TPD52: variants seen among roughly 807,000 people sequenced by gnomAD.
TPD52 encodes tumor protein D52, also known as prostate and colon associated protein.
TPD52 carries 17 observed loss-of-function variants against 31.3 expected under a neutral mutation model. That is an observed-to-expected ratio of 0.54 (90% confidence interval 0.37 to 0.82). The LOEUF (loss-of-function observed/expected upper bound fraction) is 0.82, where lower values mean the gene tolerates loss of function less well. Ranked by LOEUF, TPD52 falls within the 40% of genes least tolerant of loss-of-function variation. The pLI is 0.00. For synonymous variants in TPD52, 83 were observed against 89.6 expected (o/e 0.93, Z 0.42); for missense variants, 212 against 240.1 (o/e 0.88, Z 0.77).
At chr8:80,085,308 C>T (rs572356299) in intron 1 of TPD52, among the ~76,000 whole-genome samples, 48 of 152,234 alleles carry the variant, frequency 3.2e-4, no homozygotes, top group East Asian at 2.1e-3. Flanking sequence ...TCATTGCAAA[C>T]GGAAATGGTA....
At chr8:80,086,323 T>C (rs1421755788) in intron 1 of TPD52, among the ~76,000 whole-genome samples, 1 of 151,586 alleles carries the variant, frequency 6.6e-6, no homozygotes, top group African/African-American at 2.4e-5. Context: ...TTCACCATAT[T>C]GGCTAGGATG....
intron 1 of TPD52, among the ~76,000 whole-genome samples, chr8:80,125,369 G>A (rs771165523): frequency 2.0e-5 from 3 of 152,096 alleles, no homozygotes; most frequent in Non-Finnish European, 2.9e-5. Context: ...AGGGAGCTAC[G>A]ATCCTGCCAC....
intron 2 of TPD52, 127 bp downstream of exon 2, chr8:80,064,351 A>T: frequency 1.3e-6 from 1 of 762,294 alleles, no homozygotes; most frequent in Non-Finnish European, 2.2e-6. Context: ...GACCTGCTGG[A>T]GAAGTAAACA....
intron 1 of TPD52, among the ~76,000 whole-genome samples, chr8:80,096,092 T>C (rs1314109905): frequency 1.3e-5 from 2 of 152,070 alleles, no homozygotes; most frequent in African/African-American, 4.8e-5. Context: ...CCCGTCTCTA[T>C]GAAAAATACA....
chr8:80,114,171 G>A (rs1807700238), intron 1 of TPD52, among the ~76,000 whole-genome samples: 1 of 152,138 alleles, frequency 6.6e-6, no homozygotes, highest in Non-Finnish European at 1.5e-5. Context: ...CCCAGGAAGT[G>A]GAGACTGCAG....
chr8:80,122,054 T>G (rs1186883206), intron 1 of TPD52, among the ~76,000 whole-genome samples: 2 of 152,064 alleles, frequency 1.3e-5, no homozygotes, highest in African/African-American at 2.4e-5. Context: ...AATGATGTTT[T>G]ATCATTATTG....
At chr8:80,117,161 GA>G (rs1807922154) in intron 1 of TPD52, among the ~76,000 whole-genome samples, 1 of 152,020 alleles carries the variant, frequency 6.6e-6, no homozygotes, top group African/African-American at 2.4e-5. Context: ...ACTTAGGCAA[GA>G]AAAAGGACTA....
At chr8:80,066,820 G>A (rs1813205584) in intron 1 of TPD52, 1 of 152,176 alleles carries the variant, frequency 6.6e-6, no homozygotes, top group Admixed American at 6.5e-5. Context: ...AAAGTTGTAT[G>A]AGATTGAAAC....
At chr8:80,074,075 T>C (rs75592696) in intron 1 of TPD52, among the ~76,000 whole-genome samples, 19,083 of 152,258 alleles carry the variant, frequency 0.13, 1,506 homozygotes, top group South Asian at 0.28. Context: ...AAAGAATCTG[T>C]TAACATATAT....
chr8:80,058,559 AG>A (rs1202874973), intron 2 of TPD52, among the ~76,000 whole-genome samples: 3 of 152,202 alleles, frequency 2.0e-5, no homozygotes, highest in African/African-American at 7.2e-5. Flanking sequence ...GGACTTTGGG[AG>A]GCCAAGGCAG....
At chr8:80,045,389 G>C (rs1810742649) in intron 5 of TPD52, among the ~76,000 whole-genome samples, 1 of 152,196 alleles carries the variant, frequency 6.6e-6, no homozygotes, top group African/African-American at 2.4e-5. Flanking sequence ...GTGGATCAGT[G>C]GAGCACCACC....
At chr8:80,059,957 T>G (rs890615331) in intron 2 of TPD52, among the ~76,000 whole-genome samples, 1 of 151,888 alleles carries the variant, frequency 6.6e-6, no homozygotes, top group South Asian at 2.1e-4. Context: ...GGTGCACGCC[T>G]GTAGTCCCAG....
At chr8:80,154,567 G>A (rs890585534) in intron 1 of TPD52, among the ~76,000 whole-genome samples, 1 of 152,136 alleles carries the variant, frequency 6.6e-6, no homozygotes, top group African/African-American at 2.4e-5. Flanking sequence ...CAAGAAAAGG[G>A]AAAGCTGCTG....
rs1003584208 is a variant in TPD52 at position 80,086,653 on chromosome 8, C to T, written c.20-22060G>A. ...CTTTGGGAGACCAAGGCAGGCAGAT[C>T]ACCTGACATCAAGAGTTCGAGACCA... On this transcript the variant is annotated intron_variant, in intron 1 of 7. Coordinates refer to ENST00000518937, the MANE Select transcript of TPD52 (RefSeq NM_001025253.3). Among the ~76,000 whole-genome samples the T allele has an allele frequency of 2.0e-5, 3 of 151,922 alleles. No homozygotes were observed. The South Asian group carries it at 6.3e-4, about 32-fold the overall frequency.
At chr8:80,129,734 C>T (rs1025737074) in intron 1 of TPD52, among the ~76,000 whole-genome samples, 2 of 141,030 alleles carry the variant, frequency 1.4e-5, no homozygotes, top group Non-Finnish European at 3.0e-5. Flanking sequence ...GACGGAGTCT[C>T]CATCACCCAG....
At chr8:80,115,751 T>C (rs575227151) in intron 1 of TPD52, among the ~76,000 whole-genome samples, 1 of 152,220 alleles carries the variant, frequency 6.6e-6, no homozygotes, top group Non-Finnish European at 1.5e-5. Flanking sequence ...CCTATTTATA[T>C]GGCAGTAATA....
chr8:80,064,744 A>G (rs1195692943), intron 1 of TPD52, 151 bp from the exon 2 acceptor site: 8 of 706,904 alleles, frequency 1.1e-5, no homozygotes, highest in Non-Finnish European at 2.1e-5. Flanking sequence ...TTTCTCAGCA[A>G]AGGACAAAAG....
At chr8:80,046,587 C>T (rs202120553) in intron 5 of TPD52, among the ~76,000 whole-genome samples, 4 of 152,116 alleles carry the variant, frequency 2.6e-5, no homozygotes, top group Non-Finnish European at 1.5e-5. Context: ...CATGTTGCTA[C>T]GGGACCAGAA....
intron 1 of TPD52, among the ~76,000 whole-genome samples, chr8:80,088,775 G>C (rs1340331062): frequency 1.3e-5 from 2 of 152,176 alleles, no homozygotes; most frequent in Non-Finnish European, 2.9e-5. Flanking sequence ...TAATCCAATA[G>C]GACTGCTGTC....
Sources: gnomAD v4.1 joint callset for allele counts (sites outside exome capture counted in the v4.1 genomes callset) on GRCh38, gnomAD v4.1.1 for gene constraint, MANE v1.5 for transcripts, NCBI Gene and HGNC (gene_info 2026-07-23, HGNC 2026-07-21) for gene names.